The following MCM9 variants were observed in gnomAD, a reference collection of about 807,000 sequenced individuals.
MCM9 encodes minichromosome maintenance 9 homologous recombination repair factor, also known as DNA helicase MCM9.
Under a neutral mutation model 72.8 loss-of-function variants are expected in MCM9, and 55 were observed. The ratio of observed to expected loss-of-function variants is 0.76; its 90% confidence interval spans 0.61 to 0.95. The LOEUF (loss-of-function observed/expected upper bound fraction) is 0.95. Ranked by LOEUF, MCM9 falls within the 40% of genes least tolerant of loss-of-function variation. MCM9 has a pLI of 0.00. For synonymous variants in MCM9, 480 were observed against 503.4 expected, an observed-to-expected ratio of 0.95 and a Z score of 0.62; for missense variants, 1,279 against 1,377.0, an observed-to-expected ratio of 0.93 and a Z score of 1.13.
chr6:118,822,110 C>G (rs1407518766), intron 13 of MCM9, among the ~76,000 whole-genome samples: 1 of 152,208 alleles, frequency 6.6e-6, no homozygotes. Flanking sequence ...TACCCACCTT[C>G]TGAAGCCTAC....
chr6:118,874,367 G>A (rs1276228873), intron 8 of MCM9, among the ~76,000 whole-genome samples: 2 of 152,010 alleles, frequency 1.3e-5, no homozygotes, highest in Non-Finnish European at 2.9e-5. Flanking sequence ...GACAAAATCC[G>A]ACAGCCACTC....
At chr6:118,881,336 C>T (rs1778273397) in intron 8 of MCM9, among the ~76,000 whole-genome samples, 1 of 152,160 alleles carries the variant, frequency 6.6e-6, no homozygotes, top group Admixed American at 6.5e-5. Context: ...CTCCTTGAAA[C>T]TTTCCATTTC....
Position 118,815,498 on chromosome 6 carries a change from G to A in MCM9, c.2758C>T (p.Leu920=), listed in dbSNP as rs1168157113. ...TTCTGCTTGAAAGTAAATTTTGCCA[G>A]TTTGGCCACAGGGGAACCTGGAGGC... The part of the protein sequence containing the change: ...VKPPGSPVAK[L]AKFTFKQKSK... Residue 920 remains leucine (L), a synonymous_variant, in exon 14 of 14, where the codon CTG becomes TTG. Transcript: ENST00000619706. 3.9e-6 allele frequency: 6 copies of A among 1,547,710 alleles called. No individual in the cohort carries two copies. The Admixed American group carries it at 1.2e-4, about 31-fold the overall frequency.
Position 118,911,753 on chromosome 6 carries a change from TA to T in MCM9, c.1046del (p.Leu349TyrfsTer26). The T allele has an allele frequency of 1.2e-6, 2 of 1,612,168 alleles. No individual in the cohort carries two copies. Among genetic ancestry groups the T allele is most frequent in the South Asian group, 2.2e-5 (2 of 90,540 alleles). On this transcript the variant is annotated frameshift_variant, in exon 8 of 14. Transcript: ENST00000619706. LOFTEE classifies it high-confidence loss of function. The part of the protein sequence containing the change: ...GTRVRGESHL[L>X]LVGDPGTGKS... ...TCCCTGTGCCAGGATCCCCAACCAA[TA>T]AAAGATGAGATTCTCCTAGGAAAAA...
chr6:118,928,261 A>G (rs1382659809), intron 3 of MCM9, among the ~76,000 whole-genome samples: 1 of 152,088 alleles, frequency 6.6e-6, no homozygotes, highest in Non-Finnish European at 1.5e-5. Flanking sequence ...AAATACAAAA[A>G]TTAGCCGGGT....
intron 8 of MCM9, among the ~76,000 whole-genome samples, chr6:118,897,359 G>A (rs1583586320): frequency 6.6e-6 from 1 of 152,096 alleles, no homozygotes; most frequent in African/African-American, 2.4e-5. Flanking sequence ...CAAGGGTTAA[G>A]ACAGCCTGAG....
At chr6:118,873,048 T>G (rs527331279) in intron 8 of MCM9, among the ~76,000 whole-genome samples, 92 of 151,912 alleles carry the variant, frequency 6.1e-4, no homozygotes, top group African/African-American at 2.0e-3. Flanking sequence ...GGCACACACC[T>G]GTAGTGTCAG....
rs541392404 is a variant in MCM9 at position 118,910,604 on chromosome 6, G to A, written c.1150+1046C>T. 46 of 984,368 alleles carry A rather than the reference G, an allele frequency of 4.7e-5. No individual in the cohort carries two copies. The South Asian group carries it at 2.0e-3, about 43-fold the overall frequency. 61.0% of individuals were successfully genotyped at this position (984,368 alleles called of 1,614,324 possible). Reference sequence around the variant, plus strand: ...AGGAAACATTCCACATAATTACTTGGGAAGCATCTTTATTTGTTGTTGGTA... The same window carrying A: ...AGGAAACATTCCACATAATTACTTGAGAAGCATCTTTATTTGTTGTTGGTA... On this transcript the variant is annotated intron_variant, in intron 8 of 13. Coordinates refer to ENST00000619706, the MANE Select transcript of MCM9 (RefSeq NM_017696.3).
At chr6:118,854,825 C>T (rs2114677298) in intron 9 of MCM9, among the ~76,000 whole-genome samples, 1 of 152,274 alleles carries the variant, frequency 6.6e-6, no homozygotes, top group South Asian at 2.1e-4. Flanking sequence ...GTTACACCAA[C>T]CTTTCATTTC....
At chr6:118,840,806 C>T (rs1390926801) in intron 9 of MCM9, among the ~76,000 whole-genome samples, 1 of 135,602 alleles carries the variant, frequency 7.4e-6, no homozygotes, top group Non-Finnish European at 1.6e-5. Context: ...GGTGCAATCA[C>T]AGCCCACTGC....
chr6:118,895,703 A>T (rs1381446049), intron 8 of MCM9, among the ~76,000 whole-genome samples: 1 of 152,220 alleles, frequency 6.6e-6, no homozygotes, highest in Non-Finnish European at 1.5e-5. Context: ...ATCTTTTACT[A>T]AAGTAATTCA....
intron 8 of MCM9, among the ~76,000 whole-genome samples, chr6:118,884,854 A>T (rs1235747859): frequency 2.6e-5 from 4 of 152,220 alleles, no homozygotes; most frequent in Admixed American, 1.3e-4. Flanking sequence ...AAAATCATCA[A>T]CTCATAAGGA....
intron 8 of MCM9, among the ~76,000 whole-genome samples, chr6:118,869,617 A>G (rs969840425): frequency 2.0e-5 from 3 of 149,890 alleles, no homozygotes; most frequent in East Asian, 1.9e-4. Flanking sequence ...AAAAAAAAAA[A>G]AAGAAGCCAA....
Position 118,838,318 on chromosome 6 carries a change from A to G in MCM9, c.1326-9068T>C, listed in dbSNP as rs190211031. On this transcript the variant is annotated intron_variant, in intron 9 of 13. Coordinates refer to ENST00000619706, the MANE Select transcript of MCM9 (RefSeq NM_017696.3). The stretch of plus-strand genomic sequence containing the variant: ...GATGGGACTACAGGCACCCGCCACC[A>G]CGCCTGGCTTTTTTGTATCTTTATT... Among the ~76,000 whole-genome samples, 511 of 151,950 alleles carry G rather than the reference A, an allele frequency of 3.4e-3. 2 individuals carry two copies. The highest frequency in any genetic ancestry group is 0.012 in the African/African-American group (495 of 41,428).
intron 8 of MCM9, among the ~76,000 whole-genome samples, chr6:118,896,057 TA>T (rs1779387562): frequency 6.7e-6 from 1 of 149,040 alleles, no homozygotes; most frequent in African/African-American, 2.5e-5. Context: ...TTTTTTTTTT[TA>T]AACCTATATA....
chr6:118,907,649 TAAA>T, intron 8 of MCM9: 1 of 1,509,320 alleles, frequency 6.6e-7, no homozygotes, highest in Non-Finnish European at 9.2e-7. Context: ...ATTAAGCTAT[TAAA>T]AATACACAGA....
At chr6:118,843,676 ATATATATATGTG>A (rs1562407146) in intron 9 of MCM9, among the ~76,000 whole-genome samples, 4 of 89,320 alleles carry the variant, frequency 4.5e-5, no homozygotes, top group African/African-American at 1.3e-4. Flanking sequence ...ATATGTATGT[ATATATATATGTG>A]TATATATATA....
At chr6:118,857,087 G>A (rs1003983621) in intron 8 of MCM9, among the ~76,000 whole-genome samples, 23 of 152,278 alleles carry the variant, frequency 1.5e-4, no homozygotes, top group African/African-American at 4.8e-4. Context: ...GTAGCAACCA[G>A]AAGTTCTCAA....
At chr6:118,842,046 G>A (rs910380608) in intron 9 of MCM9, among the ~76,000 whole-genome samples, 2 of 152,250 alleles carry the variant, frequency 1.3e-5, no homozygotes, top group South Asian at 2.1e-4. Flanking sequence ...TATTGGCTAG[G>A]CTGGTCTCAA....
Sources: gnomAD v4.1 joint callset for allele counts (sites outside exome capture counted in the v4.1 genomes callset) on GRCh38, gnomAD v4.1.1 for gene constraint, MANE v1.5 for transcripts, NCBI Gene and HGNC (gene_info 2026-07-23, HGNC 2026-07-21) for gene names.